Variants in USP24 observed in about 807,000 individuals in gnomAD.
USP24 encodes ubiquitin specific peptidase 24.
A neutral mutation model predicts 361.6 loss-of-function variants in USP24; 97 were observed. That is an observed-to-expected ratio of 0.27 (90% CI 0.23 to 0.32). The LOEUF (loss-of-function observed/expected upper bound fraction) is 0.32, where lower values mean the gene tolerates loss of function less well. Among genes scored for constraint, USP24 ranks in the 10% least tolerant of loss-of-function variants. USP24 has a pLI of 1.00. For synonymous variants in USP24, 1,098 were observed against 1,124.6 expected (o/e 0.98, Z 0.47); for missense variants, 2,353 against 3,165.6 (o/e 0.74, Z 6.16).
At chr1:55,070,177 TG>T (rs908126616) in intron 67 of USP24, among the ~76,000 whole-genome samples, 1 of 151,770 alleles carries the variant, frequency 6.6e-6, no homozygotes, top group African/African-American at 2.4e-5. Context: ...CCAGCTTTGG[TG>T]GGCGCAGGGA....
chr1:55,088,581 T>A (rs1645302759), intron 55 of USP24, among the ~76,000 whole-genome samples: 1 of 152,068 alleles, frequency 6.6e-6, no homozygotes, highest in Non-Finnish European at 1.5e-5. Flanking sequence ...GCGTGTGGCA[T>A]CTGTGGTTGG....
chr1:55,162,345 A>T, intron 7 of USP24, 81 bp from the exon 8 acceptor site: 1 of 1,302,284 alleles, frequency 7.7e-7, no homozygotes. Context: ...CTTTTCATGT[A>T]TCAGAGAAAA....
chr1:55,092,763 C>T, intron 53 of USP24, 58 bp downstream of exon 53: 2 of 1,272,800 alleles, frequency 1.6e-6, no homozygotes, highest in Non-Finnish European at 2.2e-6. Flanking sequence ...AATGCTTTAG[C>T]TAAAGCATAT....
chr1:55,156,239 C>T (rs1647645379), intron 12 of USP24, among the ~76,000 whole-genome samples: 1 of 152,038 alleles, frequency 6.6e-6, no homozygotes, highest in Admixed American at 6.5e-5. Context: ...TTTAGATATA[C>T]TGCATTGGAG....
In USP24 at chr1:55,096,824, A is replaced by C; in HGVS notation, c.5936+128T>G. 4 of 1,374,840 alleles carry C rather than the reference A, an allele frequency of 2.9e-6. No individual in the cohort carries two copies. The South Asian group carries it at 6.0e-5, about 21-fold the overall frequency. The allele number at this position is 1,374,840 out of a possible 1,614,324, so 85.2% of individuals were successfully genotyped here. A position where few individuals can be genotyped will look rare whatever the true frequency, so the allele number is the denominator to read the frequency against. ...GTAAAACCAGTTGCACGAAGCTTTA[A>C]AACTTCAAAATGAAACACAGTCAAG... is the stretch of plus-strand genomic sequence containing the variant. On this transcript the variant is annotated intron_variant, in intron 49 of 67. Transcript: ENST00000294383.
chr1:55,163,097 A>T (rs902083156), intron 7 of USP24, among the ~76,000 whole-genome samples: 4 of 152,134 alleles, frequency 2.6e-5, no homozygotes, highest in African/African-American at 9.6e-5. Flanking sequence ...GGAAGAAAAT[A>T]AAATTAAATC....
Position 55,125,460 on chromosome 1 carries a change from G to C in USP24, c.3820C>G (p.Arg1274Gly). 1 of 1,613,958 alleles carries C rather than the reference G, an allele frequency of 6.2e-7. No individual in the cohort carries two copies. Among genetic ancestry groups the C allele is most frequent in the Non-Finnish European group, 8.5e-7 (1 of 1,179,882 alleles). The change falls in exon 34 of 68, where the codon CGA becomes GGA. Residue 1274 changes from arginine (R) to glycine (G), a missense_variant. Physicochemically the swap from Arg to Gly is moderately radical, Grantham distance 125. Transcript: ENST00000294383. ...CTGCTTGTCTGCCGGCTGACATTTCGGAATGGGCGGGAAGAAAGTGCTTCT... is the reference window on the plus strand; with the variant it reads ...CTGCTTGTCTGCCGGCTGACATTTCCGAATGGGCGGGAAGAAAGTGCTTCT... ...GIEALSSRPF[R>G]NVSRQTSRQM... is the part of the protein sequence containing the mutation.
chr1:55,159,427 G>C (rs1648036883), intron 9 of USP24, among the ~76,000 whole-genome samples, 184 bp downstream of exon 9: 2 of 152,144 alleles, frequency 1.3e-5, no homozygotes, highest in Admixed American at 1.3e-4. Context: ...CTATTGACTA[G>C]AGGTAACAAC....
chr1:55,111,916 A>G (rs1645966808), intron 38 of USP24, among the ~76,000 whole-genome samples: 1 of 152,148 alleles, frequency 6.6e-6, no homozygotes, highest in Non-Finnish European at 1.5e-5. Flanking sequence ...TAGAAAGTGC[A>G]TGAGAATAGA....
intron 17 of USP24, 35 bp downstream of exon 17, chr1:55,148,428 G>C: frequency 6.8e-7 from 1 of 1,461,032 alleles, no homozygotes; most frequent in Middle Eastern, 1.7e-4. Context: ...AGTTATGCAA[G>C]TAACTATAAT....
intron 60 of USP24, among the ~76,000 whole-genome samples, chr1:55,079,155 A>G (rs1286409261): frequency 6.6e-6 from 1 of 152,188 alleles, no homozygotes; most frequent in East Asian, 1.9e-4. Flanking sequence ...TGGAGAGCTG[A>G]GAGCAGCCCA....
At chr1:55,083,203 C>T in intron 58 of USP24, 69 bp downstream of exon 58, 1 of 1,484,412 alleles carries the variant, frequency 6.7e-7, no homozygotes, top group Non-Finnish European at 9.3e-7. Context: ...CATTTATCAC[C>T]TACAAAAAGA....
At chr1:55,107,750 G>A (rs1459673205) in intron 39 of USP24, among the ~76,000 whole-genome samples, 1 of 134,052 alleles carries the variant, frequency 7.5e-6, no homozygotes, top group Non-Finnish European at 1.5e-5. Context: ...GCTGAGGCAG[G>A]AGAATTGCTT....
chr1:55,117,621 G>A (rs529853385), intron 38 of USP24, among the ~76,000 whole-genome samples: 7 of 151,994 alleles, frequency 4.6e-5, no homozygotes, highest in Admixed American at 1.3e-4. Context: ...CCAGCTACTC[G>A]GGAGGCTGAG....
chr1:55,116,105 C>T lies in USP24; in HGVS notation c.4508+4491G>A, dbSNP rs556995917. Among the ~76,000 whole-genome samples the T allele has an allele frequency of 2.2e-4, 33 of 152,170 alleles. 1 individual carries two copies. The South Asian group carries it at 4.6e-3, about 21-fold the overall frequency. The stretch of plus-strand genomic sequence containing the variant: ...ATGGATGCAGCAAACCACTATGGCA[C>T]GTGTATACCTATGTAACAAACCTGC... On this transcript the variant is annotated intron_variant, in intron 38 of 67. Transcript: ENST00000294383.
chr1:55,092,070 A>G lies in USP24; in HGVS notation c.6507T>C (p.Ala2169=), dbSNP rs765548257. The G allele has an allele frequency of 1.9e-6, 3 of 1,612,706 alleles. No homozygotes were observed. The highest frequency in any genetic ancestry group is 1.7e-5 in the Admixed American group (1 of 59,916). ...PCMAKVSLQL[A]IQFLFQTYLR... The stretch of plus-strand genomic sequence containing the variant: ...GATAAGTTTGAAAAAGGAATTGAAT[A>G]GCAAGCTGTAAGCTCACCTTTGCCA... Residue 2169 remains alanine, a synonymous_variant, in exon 54 of 68, where the codon GCT becomes GCC. Coordinates refer to ENST00000294383, the MANE Select transcript of USP24 (RefSeq NM_015306.3).
chr1:55,124,183 A>T (rs1646361711), intron 35 of USP24, among the ~76,000 whole-genome samples: 1 of 152,160 alleles, frequency 6.6e-6, no homozygotes, highest in Admixed American at 6.5e-5. Context: ...TGCCACAATG[A>T]TTGGTTTCAT....
chr1:55,138,858 C>T (rs1481986621), intron 25 of USP24, 86 bp downstream of exon 25: 2 of 1,443,866 alleles, frequency 1.4e-6, no homozygotes, highest in Non-Finnish European at 1.9e-6. Context: ...GTGTGCTAAA[C>T]TCCCAGCTGC....
chr1:55,119,747 G>A (rs574675312), intron 38 of USP24, among the ~76,000 whole-genome samples: 1 of 151,956 alleles, frequency 6.6e-6, no homozygotes, highest in Admixed American at 6.5e-5. Context: ...CATGTATGTT[G>A]CAGATTTTAT....
Sources: gnomAD v4.1 joint callset for allele counts (sites outside exome capture counted in the v4.1 genomes callset) on GRCh38, gnomAD v4.1.1 for gene constraint, MANE v1.5 for transcripts, NCBI Gene and HGNC (gene_info 2026-07-23, HGNC 2026-07-21) for gene names.